The following ADGRV1 variants were observed in gnomAD, a reference collection of about 807,000 sequenced individuals.
The protein encoded by ADGRV1 is adhesion G protein-coupled receptor V1, also known as G-protein coupled receptor 98.
In ADGRV1, 359 loss-of-function variants were observed where a neutral mutation model predicts 596.2. The ratio of observed to expected loss-of-function variants is 0.60; its 90% CI spans 0.55 to 0.66. The LOEUF is 0.66. ADGRV1 is among the 30% of genes least tolerant of loss of function. The pLI, the probability that ADGRV1 is intolerant of heterozygous loss-of-function variation, is 0.00. For synonymous variants in ADGRV1, 2,681 were observed against 2,679.2 expected (o/e 1.00, Z -0.02); for missense variants, 7,274 against 7,575.6 (o/e 0.96, Z 1.48).
rs769997010 is a variant in ADGRV1, at chr5:90,987,984, G to A, written c.18152+2462G>A. 4.6e-5 allele frequency among the ~76,000 whole-genome samples: 7 copies of A among 152,114 alleles called. No individual in the cohort carries two copies. In the East Asian group the frequency reaches 7.7e-4, roughly 17 times the overall value. On this transcript the variant is annotated intron_variant, in intron 85 of 89. Transcript: ENST00000405460. ...GCTCTTTGAGATTGCCAGATAATTCGCTGGCTTTCCTGACTCTCAGCATCT... is the reference window on the plus strand; with the variant it reads ...GCTCTTTGAGATTGCCAGATAATTCACTGGCTTTCCTGACTCTCAGCATCT...
Position 90,584,389 on chromosome 5 carries a change from C to T in ADGRV1, c.22+25472C>T, listed in dbSNP as rs1758472815. ...CATTTTGTTTTTAATTTTTACTTTT[C>T]TTCTTGAAGCGGAGTCCCAAATTAT... On this transcript the variant is annotated intron_variant, in intron 1 of 89. Transcript: ENST00000405460. Among the ~76,000 whole-genome samples the T allele has an allele frequency of 2.6e-5, 4 of 152,090 alleles. No homozygotes were observed. In the South Asian group the frequency reaches 6.2e-4, roughly 24 times the overall value.
chr5:90,990,504 C>G (rs1218766576), intron 85 of ADGRV1, among the ~76,000 whole-genome samples: 1 of 152,120 alleles, frequency 6.6e-6, no homozygotes, highest in Non-Finnish European at 1.5e-5. Context: ...GGTTCATACT[C>G]CTATTATAAT....
chr5:90,901,693 A>T (rs1255202410), intron 83 of ADGRV1, among the ~76,000 whole-genome samples: 2 of 152,188 alleles, frequency 1.3e-5, no homozygotes, highest in Admixed American at 6.6e-5. Context: ...ATATGTATTT[A>T]TTAAAGTATA....
rs374029089 is a variant in ADGRV1, at chr5:90,631,352, G to A, written c.1839+1813G>A. ...GCGTTTTTTTAAGCTGAGCCTCCAG[G>A]CATACTTGTGCTGTTAGGGCATTTT... On this transcript the variant is annotated intron_variant, in intron 9 of 89. Transcript: ENST00000405460. Among the ~76,000 whole-genome samples, 17 of 152,160 alleles carry A rather than the reference G, an allele frequency of 1.1e-4. No individual in the cohort carries two copies. The East Asian group carries it at 1.9e-3, about 17-fold the overall frequency.
chr5:90,780,520 G>A (rs909690448), intron 64 of ADGRV1, among the ~76,000 whole-genome samples: 3 of 151,968 alleles, frequency 2.0e-5, no homozygotes, highest in African/African-American at 4.8e-5. Flanking sequence ...TTAAAGCCTT[G>A]GAAGTTGAAG....
At position 90,653,892 on chromosome 5, in the gene ADGRV1, C is replaced by G. The variant is rs1406316610; in HGVS notation, c.4318C>G (p.Leu1440Val). 1 of 1,587,922 alleles carries G rather than the reference C, an allele frequency of 6.3e-7. No individual in the cohort carries two copies. The highest frequency in any genetic ancestry group is 8.6e-7 in the Non-Finnish European group (1 of 1,166,234). Residue 1440 changes from leucine (L) to valine (V), a missense_variant, in exon 20 of 90, where the codon CTG becomes GTG. Leu to Val is a conservative substitution (Grantham distance 32). Transcript: ENST00000405460. Reference protein sequence around the residue: ...ILEDGIIEFYLDGNAMPRGIK... With the variant: ...ILEDGIIEFYVDGNAMPRGIK... ...GGAGGATGGTATAATCGAATTCTAC[C>G]TGGATGGAAATGCAATGCCCAGGGG... is the stretch of plus-strand genomic sequence containing the variant.
chr5:90,695,447 C>T (rs1747060443), intron 33 of ADGRV1, among the ~76,000 whole-genome samples: 1 of 151,894 alleles, frequency 6.6e-6, no homozygotes, highest in South Asian at 2.1e-4. Context: ...TTGATTACAT[C>T]CTCATTTGGG....
At chr5:90,560,913 C>T (rs1754741772) in intron 1 of ADGRV1, among the ~76,000 whole-genome samples, 1 of 152,106 alleles carries the variant, frequency 6.6e-6, no homozygotes, top group South Asian at 2.1e-4. Context: ...TGTCAGATGT[C>T]TTTCTACTTG....
At chr5:90,697,256 G>A in intron 34 of ADGRV1, 110 bp downstream of exon 34, 2 of 965,038 alleles carry the variant, frequency 2.1e-6, no homozygotes, top group South Asian at 3.4e-5. Flanking sequence ...TTGTTGAACT[G>A]TGTGTGTGTT....
intron 83 of ADGRV1, among the ~76,000 whole-genome samples, chr5:90,896,737 G>A (rs1005700216): frequency 4.6e-5 from 7 of 152,142 alleles, no homozygotes; most frequent in Non-Finnish European, 8.8e-5. Context: ...ATTTGCATTA[G>A]AAGTGAAACT....
intron 83 of ADGRV1, among the ~76,000 whole-genome samples, chr5:90,909,863 A>G (rs1345252444): frequency 6.6e-6 from 1 of 152,210 alleles, no homozygotes; most frequent in Non-Finnish European, 1.5e-5. Context: ...GTTATTTAAA[A>G]TACAGAAGAA....
At chr5:90,664,095 G>A (rs927450324) in intron 21 of ADGRV1, among the ~76,000 whole-genome samples, 14 of 146,966 alleles carry the variant, frequency 9.5e-5, no homozygotes, top group Non-Finnish European at 1.9e-4. Context: ...TGGCGATGCG[G>A]GCTCTTTTTT....
chr5:90,688,291 G>T (rs1012500619), intron 29 of ADGRV1, among the ~76,000 whole-genome samples: 1 of 152,156 alleles, frequency 6.6e-6, no homozygotes, highest in Non-Finnish European at 1.5e-5. Context: ...AACAGCAATG[G>T]GGAAAGGATT....
At chr5:90,754,368 G>A (rs1015209300) in intron 54 of ADGRV1, among the ~76,000 whole-genome samples, 22 of 152,092 alleles carry the variant, frequency 1.4e-4, no homozygotes, top group Admixed American at 1.1e-3. Context: ...AGATTTTCAC[G>A]TAATAACATG....
At chr5:90,856,753 A>T (rs189560992) in intron 82 of ADGRV1, among the ~76,000 whole-genome samples, 8 of 152,306 alleles carry the variant, frequency 5.3e-5, no homozygotes, top group Non-Finnish European at 1.5e-5. Context: ...TGGGACCTGG[A>T]TCAAATTACT....
chr5:90,998,608 T>G (rs925233181), intron 85 of ADGRV1, among the ~76,000 whole-genome samples: 13 of 152,114 alleles, frequency 8.5e-5, no homozygotes, highest in Admixed American at 5.2e-4. Context: ...TATAGGTATC[T>G]TTGTACACTT....
chr5:91,061,005 T>C (rs112672391), intron 85 of ADGRV1, among the ~76,000 whole-genome samples: 186 of 152,328 alleles, frequency 1.2e-3, no homozygotes, highest in African/African-American at 4.1e-3. Flanking sequence ...GTGACACTCA[T>C]TGGGCATAGA....
At chr5:91,033,942 T>C (rs1233522311) in intron 85 of ADGRV1, among the ~76,000 whole-genome samples, 2 of 152,242 alleles carry the variant, frequency 1.3e-5, no homozygotes, top group East Asian at 3.8e-4. Context: ...TTCTGAATAC[T>C]GCATTATTCA....
At chr5:90,804,260 C>T (rs546543014) in intron 71 of ADGRV1, among the ~76,000 whole-genome samples, 344 of 152,136 alleles carry the variant, frequency 2.3e-3, no homozygotes, top group Admixed American at 5.4e-3. Flanking sequence ...AAATTAGCTG[C>T]ATGTGGTGGC....
Sources: allele counts gnomAD v4.1 joint callset (sites outside exome capture counted in the v4.1 genomes callset), GRCh38; gene constraint gnomAD v4.1.1; transcripts MANE v1.5; gene names NCBI Gene and HGNC (gene_info 2026-07-23, HGNC 2026-07-21).